The following ARHGAP35 variants were observed in gnomAD, a reference collection of about 807,000 sequenced individuals.
ARHGAP35 encodes the protein rho GTPase-activating protein 35.
ARHGAP35 carries 15 observed loss-of-function variants against 111.1 expected under a neutral mutation model. The ratio of observed to expected loss-of-function variants is 0.13; its 90% CI spans 0.09 to 0.21. ARHGAP35 has a LOEUF of 0.21. Among genes scored for constraint, ARHGAP35 ranks in the 10% least tolerant of loss-of-function variants. ARHGAP35 has a pLI of 1.00. For synonymous variants in ARHGAP35, 643 were observed against 710.3 expected, an observed-to-expected ratio of 0.91 and a Z score of 1.51; for missense variants, 1,262 against 1,873.0, an observed-to-expected ratio of 0.67 and a Z score of 6.02.
chr19:46,970,360 G>T (rs905443515), intron 3 of ARHGAP35, among the ~76,000 whole-genome samples: 2 of 152,184 alleles, frequency 1.3e-5, no homozygotes, highest in African/African-American at 4.8e-5. Context: ...TGTAGAGCAG[G>T]TAATGTGGGG....
At chr19:46,941,306 A>ACCT (rs2056345469) in intron 3 of ARHGAP35, among the ~76,000 whole-genome samples, 2 of 151,902 alleles carry the variant, frequency 1.3e-5, no homozygotes, top group East Asian at 3.9e-4. Flanking sequence ...TTTGAATTTA[A>ACCT]CCTCCCTGGT....
intron 2 of ARHGAP35, among the ~76,000 whole-genome samples, chr19:46,935,405 G>A (rs558330728): frequency 6.6e-6 from 1 of 152,334 alleles, no homozygotes; most frequent in Admixed American, 6.5e-5. Context: ...CTTTCCTTGT[G>A]TACATTATAT....
chr19:46,899,541 C>T (rs1232423479), intron 1 of ARHGAP35, among the ~76,000 whole-genome samples: 2 of 151,788 alleles, frequency 1.3e-5, no homozygotes, highest in African/African-American at 2.4e-5. Flanking sequence ...AAAAAAAATA[C>T]AAAAATTAGC....
Position 46,921,586 on chromosome 19 carries a change from C to T in ARHGAP35, c.2911C>T (p.Pro971Ser), listed in dbSNP as rs1470775534. 4 of 1,613,856 alleles carry T rather than the reference C, an allele frequency of 2.5e-6. No homozygotes were observed. In the Admixed American group the frequency reaches 5.0e-5, roughly 20 times the overall value. ...CACCACCGAAGAGGTGTTTAACTCC[C>T]CCCGGGCAGGATCACCGCTCTGCAA... ...CSTTEEVFNS[P>S]RAGSPLCNSN... The change falls in exon 2 of 7, where the codon CCC becomes TCC. Residue 971 changes from proline (P) to serine (S), a missense_variant. Around this residue, in one of 8 missense-constraint regions of ARHGAP35, gnomAD observed 579 missense variants for 716.9 expected, o/e 0.81. Transcript: ENST00000672722. The surrounding 1 kb of genome is among the most constrained non-coding windows in gnomAD (Gnocchi z 4.3).
intron 1 of ARHGAP35, among the ~76,000 whole-genome samples, chr19:46,903,543 A>G (rs991025098): frequency 6.6e-6 from 1 of 152,168 alleles, no homozygotes; most frequent in African/African-American, 2.4e-5. Flanking sequence ...TTGGACCAAG[A>G]GACATGGTAT....
chr19:46,996,848 T>G (rs575565387), intron 5 of ARHGAP35, among the ~76,000 whole-genome samples: 18 of 152,216 alleles, frequency 1.2e-4, no homozygotes, highest in Non-Finnish European at 2.5e-4. Flanking sequence ...GTTTGAAGAC[T>G]CAAGGTCGTA....
chr19:46,915,204 T>C (rs1415210262), intron 1 of ARHGAP35, among the ~76,000 whole-genome samples: 1 of 152,254 alleles, frequency 6.6e-6, no homozygotes, highest in African/African-American at 2.4e-5. Flanking sequence ...AAGCATCTTA[T>C]AATTTTGTTT....
intron 1 of ARHGAP35, among the ~76,000 whole-genome samples, chr19:46,886,943 T>A (rs879434908): frequency 6.6e-6 from 1 of 152,194 alleles, no homozygotes; most frequent in Non-Finnish European, 1.5e-5. Context: ...AAAAAGGATT[T>A]ACTACTAGCA....
chr19:46,953,620 CTT>C (rs1047334140), intron 3 of ARHGAP35, among the ~76,000 whole-genome samples: 8 of 152,194 alleles, frequency 5.3e-5, no homozygotes, highest in African/African-American at 1.9e-4. Flanking sequence ...TTCTGCAAAT[CTT>C]TCTCCATTCT....
chr19:46,863,654 C>G (rs1035734373), intron 1 of ARHGAP35, among the ~76,000 whole-genome samples: 22 of 151,996 alleles, frequency 1.4e-4, no homozygotes, highest in Non-Finnish European at 1.8e-4. Flanking sequence ...CCCTTCCCCC[C>G]CGCCTTCGCC....
In ARHGAP35 at chr19:46,910,832, C is replaced by G. The variant is rs900499027; in HGVS notation, c.-188-7656C>G. Among the ~76,000 whole-genome samples the G allele has an allele frequency of 2.0e-5, 3 of 152,114 alleles. No homozygotes were observed. The South Asian group carries it at 6.2e-4, about 32-fold the overall frequency. ...TCTTGAACTCCTGAGCTCAAGTGAT[C>G]CACCCACCTCAGCCTCCCAAAGTGT... On this transcript the variant is annotated intron_variant, in intron 1 of 6. Coordinates refer to ENST00000672722, the MANE Select transcript of ARHGAP35 (RefSeq NM_004491.5).
In ARHGAP35 at chr19:47,001,536, C is replaced by T; in HGVS notation, c.*848C>T. On this transcript the variant is annotated 3_prime_UTR_variant, in exon 7 of 7. Coordinates refer to ENST00000672722, the MANE Select transcript of ARHGAP35 (RefSeq NM_004491.5). This position sits in a 1 kb window ranked among gnomAD's most constrained non-coding sequence, Gnocchi z 5.4. ...CTTTGTGGCAGCAAAACCAGGATGC[C>T]TGGAGCTGTGGCCTGAGGGCCTGCT... 1 of 652,156 alleles carries T rather than the reference C, an allele frequency of 1.5e-6. No homozygotes were observed. Among genetic ancestry groups the T allele is most frequent in the Non-Finnish European group, 2.3e-6 (1 of 438,298 alleles). 40.4% of individuals were successfully genotyped at this position (652,156 alleles called of 1,614,324 possible). A position where few individuals can be genotyped will look rare whatever the true frequency, so the allele number is the denominator to read the frequency against.
At chr19:46,874,493 T>C (rs1156611990) in intron 1 of ARHGAP35, among the ~76,000 whole-genome samples, 1 of 148,244 alleles carries the variant, frequency 6.7e-6, no homozygotes, top group African/African-American at 2.5e-5. Flanking sequence ...TCATGTTTTA[T>C]GTTTTGTCTT....
In ARHGAP35 at chr19:47,001,099, C is replaced by G; in HGVS notation, c.*411C>G. On this transcript the variant is annotated 3_prime_UTR_variant, in exon 7 of 7. Transcript: ENST00000672722. The surrounding 1 kb of genome is among the most constrained non-coding windows in gnomAD (Gnocchi z 5.4). The stretch of plus-strand genomic sequence containing the variant: ...AGATTCAGGGTGGGGCTGGCAACCC[C>G]TGAAGAGAACACTTCCTGTTGGTCT... 1 of 1,265,514 alleles carries G rather than the reference C, an allele frequency of 7.9e-7. No homozygotes were observed. Among genetic ancestry groups the G allele is most frequent in the Non-Finnish European group, 1.0e-6 (1 of 984,114 alleles). 78.4% of individuals were successfully genotyped at this position (1,265,514 alleles called of 1,614,324 possible). A position where few individuals can be genotyped will look rare whatever the true frequency, so the allele number is the denominator to read the frequency against.
At chr19:46,972,910 G>C (rs909767069) in intron 3 of ARHGAP35, among the ~76,000 whole-genome samples, 14 of 152,214 alleles carry the variant, frequency 9.2e-5, no homozygotes, top group Non-Finnish European at 2.1e-4. Context: ...ACAGAAGACA[G>C]ATCAGGTGGA....
At chr19:46,979,003 G>A (rs1446536388) in intron 3 of ARHGAP35, among the ~76,000 whole-genome samples, 149 of 111,764 alleles carry the variant, frequency 1.3e-3, no homozygotes, top group African/African-American at 4.8e-3. Flanking sequence ...GTGGTGGGAC[G>A]TGTGTGTGTG....
intron 1 of ARHGAP35, among the ~76,000 whole-genome samples, chr19:46,893,524 C>G (rs1489270309): frequency 6.6e-6 from 1 of 151,916 alleles, no homozygotes; most frequent in Non-Finnish European, 1.5e-5. Flanking sequence ...GCACCAACTT[C>G]TGCTTGGGAT....
Position 47,004,429 on chromosome 19 carries a change from G to GTA in ARHGAP35, c.*3741_*3742insTA, listed in dbSNP as rs1404362697. Reference sequence around the variant, plus strand: ...CCCCCAGCCCTCCCGTGGCGGAGCCGGCAGCGATGCTACAGGCCTAAGTTA... The same window carrying GTA: ...CCCCCAGCCCTCCCGTGGCGGAGCCGTAGCAGCGATGCTACAGGCCTAAGTTA... On this transcript the variant is annotated 3_prime_UTR_variant, in exon 7 of 7. Transcript: ENST00000672722. The GTA allele has an allele frequency of 2.0e-5, 3 of 152,398 alleles. No individual in the cohort carries two copies. The highest frequency in any genetic ancestry group is 4.4e-5 in the Non-Finnish European group (3 of 68,052). 9.4% of individuals were successfully genotyped at this position (152,398 alleles called of 1,614,324 possible).
rs2056666879 is a variant in ARHGAP35 at position 46,989,210 on chromosome 19, G to A, written c.3905-334G>A. On this transcript the variant is annotated intron_variant, in intron 4 of 6. Coordinates refer to ENST00000672722, the MANE Select transcript of ARHGAP35 (RefSeq NM_004491.5). This position sits in a 1 kb window ranked among gnomAD's most constrained non-coding sequence, Gnocchi z 5.3. Reference sequence around the variant, plus strand: ...TAGGAAAGCCGCCTCCTTCTTCTGTGATGGGAAGGGAGTAAGGAAGAGGCA... The same window carrying A: ...TAGGAAAGCCGCCTCCTTCTTCTGTAATGGGAAGGGAGTAAGGAAGAGGCA... The A allele has an allele frequency of 5.0e-6, 1 of 198,282 alleles. No individual in the cohort carries two copies. Among genetic ancestry groups the A allele is most frequent in the Non-Finnish European group, 1.1e-5 (1 of 93,992 alleles). The allele number at this position is 198,282 out of a possible 1,614,324, so 12.3% of individuals were successfully genotyped here.
Sources: allele counts gnomAD v4.1 joint callset (sites outside exome capture counted in the v4.1 genomes callset), GRCh38; gene constraint gnomAD v4.1.1; regional missense constraint gnomAD v4.1.1; non-coding constraint Gnocchi (gnomAD v3.1); transcripts MANE v1.5; gene names NCBI Gene and HGNC (gene_info 2026-07-23, HGNC 2026-07-21).